SUN3: variants seen among roughly 807,000 people sequenced by gnomAD.
SUN3 encodes Sad1 and UNC84 domain containing 3.
A neutral mutation model predicts 48.2 loss-of-function variants in SUN3; 36 were observed. The observed-to-expected ratio is 0.75, with a 90% CI of 0.57 to 0.99. The LOEUF is 0.99. Ranked by LOEUF, SUN3 falls within the 50% of genes least tolerant of loss-of-function variation. The pLI, the probability that SUN3 is intolerant of heterozygous loss-of-function variation, is 0.00. For synonymous variants in SUN3, 148 were observed against 147.9 expected (o/e 1.00, Z 0.00); for missense variants, 419 against 433.1 (o/e 0.97, Z 0.29).
chr7:48,004,363 A>C (rs78977999), intron 6 of SUN3, among the ~76,000 whole-genome samples: 4,153 of 152,328 alleles, frequency 0.027, 190 homozygotes, highest in African/African-American at 0.094. Context: ...TCAATCAACC[A>C]AGAAATGTCA....
intron 8 of SUN3, among the ~76,000 whole-genome samples, chr7:47,993,214 T>C (rs142177518): frequency 9.8e-5 from 15 of 152,298 alleles, no homozygotes; most frequent in Non-Finnish European, 1.6e-4. Context: ...ACATTGAGTA[T>C]TGCTTGAACA....
At position 47,988,151 on chromosome 7, in the gene SUN3, A is replaced by G. The variant is rs535367805; in HGVS notation, c.954+637T>C. On this transcript the variant is annotated intron_variant, in intron 9 of 9. Coordinates refer to ENST00000297325, the MANE Select transcript of SUN3 (RefSeq NM_001030019.2). Reference sequence around the variant, plus strand: ...CTACAAATATGCTCATTTCTAACATATATGTATTGTTTTACCTTTATTTTC... The same window carrying G: ...CTACAAATATGCTCATTTCTAACATGTATGTATTGTTTTACCTTTATTTTC... Among the ~76,000 whole-genome samples, 33 of 152,304 alleles carry G rather than the reference A, an allele frequency of 2.2e-4. No homozygotes were observed. In the East Asian group the frequency reaches 6.2e-3, roughly 28 times the overall value.
intron 7 of SUN3, among the ~76,000 whole-genome samples, 185 bp from the exon 8 acceptor site, chr7:47,994,667 A>T (rs1021536577): frequency 6.6e-6 from 1 of 152,218 alleles, no homozygotes; most frequent in African/African-American, 2.4e-5. Context: ...AGAGCCCTTT[A>T]TCATATGAGC....
chr7:48,034,831 G>A, the SUN3 span, among the ~76,000 whole-genome samples: 97 of 151,972 alleles, frequency 6.4e-4, no homozygotes, highest in Admixed American at 1.4e-3. Context: ...ATATAAATAT[G>A]GTTAAGAGCT....
chr7:47,988,424 C>T (rs1321985230), intron 9 of SUN3, among the ~76,000 whole-genome samples: 2 of 152,150 alleles, frequency 1.3e-5, no homozygotes, highest in African/African-American at 4.8e-5. Flanking sequence ...CTGCCTCTGT[C>T]CACTTCATAT....
At chr7:48,000,329 G>A (rs1348318289) in intron 6 of SUN3, 1 of 152,294 alleles carries the variant, frequency 6.6e-6, no homozygotes, top group African/African-American at 2.4e-5. Context: ...GTAGAGACAG[G>A]ATTTCACCAT....
At chr7:48,001,704 T>C (rs753568094) in intron 6 of SUN3, among the ~76,000 whole-genome samples, 3 of 151,764 alleles carry the variant, frequency 2.0e-5, no homozygotes, top group Non-Finnish European at 4.4e-5. Context: ...CAGCTAATTT[T>C]TCTTTGTATT....
intron 6 of SUN3, among the ~76,000 whole-genome samples, chr7:48,005,085 A>C (rs1489581008): frequency 2.0e-5 from 3 of 152,216 alleles, no homozygotes; most frequent in Non-Finnish European, 2.9e-5. Context: ...GGCTTTTCAA[A>C]ATGGAAGTTG....
chr7:48,035,691 C>A, the SUN3 span: 1 of 598,474 alleles, frequency 1.7e-6, no homozygotes, highest in East Asian at 3.0e-5. This position sits in a 1 kb window ranked among gnomAD's most constrained non-coding sequence, Gnocchi z 4.0. Context: ...GCCTTGTCCA[C>A]TGTGCGGAGC....
intron 1 of SUN3, among the ~76,000 whole-genome samples, chr7:48,027,970 G>A (rs1231435174): frequency 1.3e-5 from 2 of 152,102 alleles, no homozygotes; most frequent in East Asian, 3.9e-4. Context: ...ATTAACTCCA[G>A]TGTTTTTCGT....
At chr7:48,009,158 A>G in intron 3 of SUN3, 83 bp from the exon 4 acceptor site, 1 of 1,368,824 alleles carries the variant, frequency 7.3e-7, no homozygotes, top group Admixed American at 2.0e-5. Context: ...AAAGGGAAAT[A>G]AATAGCACAT....
chr7:48,026,501 T>C (rs1330121171), intron 1 of SUN3, among the ~76,000 whole-genome samples: 1 of 151,752 alleles, frequency 6.6e-6, no homozygotes, highest in Admixed American at 6.6e-5. Context: ...CCTCACAGAA[T>C]GAACACATCC....
chr7:48,006,675 A>C (rs80223116), intron 5 of SUN3, among the ~76,000 whole-genome samples: 1 of 152,190 alleles, frequency 6.6e-6, no homozygotes, highest in African/African-American at 2.4e-5. Context: ...CAGGTGGTCC[A>C]TGTCAGATTG....
In SUN3 at chr7:48,000,756, A is replaced by G. The variant is rs559645705; in HGVS notation, c.578-4610T>C. Among the ~76,000 whole-genome samples, 5 of 151,796 alleles carry G rather than the reference A, an allele frequency of 3.3e-5. No individual in the cohort carries two copies. The South Asian group carries it at 1.0e-3, about 32-fold the overall frequency. ...TGTAGTTTTTTTTTAGCTTCTTTCA[A>G]GTATTTTCATCTTTGATTTTGAGCA... On this transcript the variant is annotated intron_variant, in intron 6 of 9. Transcript: ENST00000297325.
In SUN3 at chr7:48,008,924, T is replaced by C. The variant is rs1165726020; in HGVS notation, c.329+111A>G. The C allele has an allele frequency of 3.2e-6, 3 of 940,886 alleles. No individual in the cohort carries two copies. The African/African-American group carries it at 5.0e-5, about 16-fold the overall frequency. 58.3% of individuals were successfully genotyped at this position (940,886 alleles called of 1,614,324 possible). On this transcript the variant is annotated intron_variant, in intron 4 of 9. Transcript: ENST00000297325. ...ATAATAGTTATTTCTGGGAGTGAAATTTTGAGTTATTTCAGGGAGTAACTT... is the reference window on the plus strand; with the variant it reads ...ATAATAGTTATTTCTGGGAGTGAAACTTTGAGTTATTTCAGGGAGTAACTT...
intron 3 of SUN3, among the ~76,000 whole-genome samples, chr7:48,014,579 A>G (rs140971771): frequency 4.3e-4 from 66 of 152,288 alleles, no homozygotes; most frequent in African/African-American, 1.3e-3. Flanking sequence ...AAGCCTGTCT[A>G]ATGAGGAGAC....
At chr7:47,994,506 T>A (rs1319388867) in intron 7 of SUN3, 24 bp from the exon 8 acceptor site, 2 of 1,580,024 alleles carry the variant, frequency 1.3e-6, no homozygotes. Flanking sequence ...ACTGAATTAA[T>A]CTCTTAACTA....
chr7:47,994,910 A>G (rs1789163635), intron 7 of SUN3, among the ~76,000 whole-genome samples: 2 of 151,148 alleles, frequency 1.3e-5, no homozygotes, highest in South Asian at 4.2e-4. Context: ...GGTATCACCT[A>G]AAAAGGTGGT....
chr7:48,031,832 G>GCACA (rs3073706), upstream of SUN3, among the ~76,000 whole-genome samples: 11,964 of 142,228 alleles, frequency 0.084, 536 homozygotes, highest in African/African-American at 0.12. Context: ...TGTGATTTAT[G>GCACA]CACACACACA....
Sources: allele counts gnomAD v4.1 joint callset (sites outside exome capture counted in the v4.1 genomes callset), GRCh38; gene constraint gnomAD v4.1.1; non-coding constraint Gnocchi (gnomAD v3.1); transcripts MANE v1.5; gene names NCBI Gene and HGNC (gene_info 2026-07-23, HGNC 2026-07-21).